Variants in LRGUK observed in about 807,000 individuals in gnomAD.
The protein encoded by LRGUK is leucine rich repeats and guanylate kinase domain containing, also known as leucine-rich repeat and guanylate kinase domain-containing protein.
Under a neutral mutation model 76.0 loss-of-function variants are expected in LRGUK, and 65 were observed. The observed-to-expected ratio is 0.85, with a 90% confidence interval of 0.70 to 1.05. The LOEUF is 1.05. Among genes scored for constraint, LRGUK ranks in the 50% least tolerant of loss-of-function variants. LRGUK has a pLI of 0.00. For missense variants in LRGUK, 758 were observed against 732.8 expected, an observed-to-expected ratio of 1.03 and a Z score of -0.40; for synonymous variants, 268 against 265.6, an observed-to-expected ratio of 1.01 and a Z score of -0.09.
At chr7:134,236,549 G>A (rs1339658661) in intron 16 of LRGUK, among the ~76,000 whole-genome samples, 1 of 152,140 alleles carries the variant, frequency 6.6e-6, no homozygotes, top group African/African-American at 2.4e-5. Context: ...TCCTGCAATT[G>A]GCAGTTGGAT....
At chr7:134,141,065 T>C (rs1394446543) in intron 3 of LRGUK, among the ~76,000 whole-genome samples, 3 of 152,192 alleles carry the variant, frequency 2.0e-5, no homozygotes, top group African/African-American at 7.2e-5. Flanking sequence ...GCCTTGCCAA[T>C]GCTCACTGCT....
chr7:134,257,770 C>T (rs1204059086), intron 18 of LRGUK, among the ~76,000 whole-genome samples: 2 of 151,882 alleles, frequency 1.3e-5, no homozygotes, highest in Non-Finnish European at 2.9e-5. Flanking sequence ...TGTCACTGCC[C>T]TCCAGTCTGG....
At chr7:134,269,869 A>G in the LRGUK span, among the ~76,000 whole-genome samples, 535 of 152,296 alleles carry the variant, frequency 3.5e-3, 4 homozygotes, top group African/African-American at 0.012. Context: ...GAATATATAA[A>G]TTGATGCAGA....
intron 15 of LRGUK, chr7:134,208,677 T>G (rs563714568): frequency 6.5e-5 from 26 of 398,772 alleles, no homozygotes; most frequent in Non-Finnish European, 1.1e-4. Context: ...AACTTCTGTT[T>G]ATAGTTAATT....
At chr7:134,234,056 G>T (rs2117179707) in intron 16 of LRGUK, among the ~76,000 whole-genome samples, 1 of 152,220 alleles carries the variant, frequency 6.6e-6, no homozygotes, top group Middle Eastern at 3.4e-3. Flanking sequence ...TCTTCTTCCA[G>T]TGTGGCCCAG....
At chr7:134,135,898 C>T (rs1483745255) in intron 1 of LRGUK, among the ~76,000 whole-genome samples, 2 of 152,166 alleles carry the variant, frequency 1.3e-5, no homozygotes, top group African/African-American at 2.4e-5. Context: ...CCTTGCGAAC[C>T]GCCCACCTTG....
At chr7:134,181,882 A>G (rs1392350797) in intron 10 of LRGUK, among the ~76,000 whole-genome samples, 3 of 152,004 alleles carry the variant, frequency 2.0e-5, no homozygotes, top group African/African-American at 7.2e-5. Flanking sequence ...CTTTAGTTCT[A>G]TTTACCTCTG....
At chr7:134,213,252 T>C (rs1177012135), downstream of LRGUK, among the ~76,000 whole-genome samples, 2 of 152,112 alleles carry the variant, frequency 1.3e-5, no homozygotes, top group Non-Finnish European at 2.9e-5. Context: ...CTAAGAGGCA[T>C]CTGTCTGGAG....
At chr7:134,191,794 G>A (rs185518680) in intron 12 of LRGUK, 43 bp downstream of exon 12, 18 of 1,255,044 alleles carry the variant, frequency 1.4e-5, no homozygotes, top group Non-Finnish European at 1.9e-5. Flanking sequence ...AGAAATACAC[G>A]TTCTCTGGCA....
intron 16 of LRGUK, among the ~76,000 whole-genome samples, chr7:134,238,705 T>C (rs772926754): frequency 2.0e-5 from 3 of 152,212 alleles, no homozygotes; most frequent in Non-Finnish European, 2.9e-5. Flanking sequence ...TCTGGTTTTA[T>C]ATGAAAGCTT....
intron 1 of LRGUK, among the ~76,000 whole-genome samples, chr7:134,128,122 A>T (rs1797103147): frequency 6.6e-6 from 1 of 152,156 alleles, no homozygotes; most frequent in South Asian, 2.1e-4. Context: ...AAAAAAAAAA[A>T]AAAAAATCCG....
At chr7:134,250,773 T>A (rs1387083912) in intron 18 of LRGUK, among the ~76,000 whole-genome samples, 1 of 152,152 alleles carries the variant, frequency 6.6e-6, no homozygotes, top group Non-Finnish European at 1.5e-5. Context: ...GAATTGTTAG[T>A]ACAGTGAGGT....
At chr7:134,240,430 A>G (rs1027396039) in intron 16 of LRGUK, among the ~76,000 whole-genome samples, 4 of 152,264 alleles carry the variant, frequency 2.6e-5, no homozygotes, top group Non-Finnish European at 5.9e-5. Context: ...AGCCAATTTG[A>G]TCAACTGGAA....
intron 15 of LRGUK, among the ~76,000 whole-genome samples, chr7:134,215,494 C>T (rs889157607): frequency 3.9e-5 from 6 of 152,062 alleles, no homozygotes; most frequent in African/African-American, 1.4e-4. Flanking sequence ...ATGCTGAATT[C>T]TTCTCTGGGA....
chr7:134,168,402 A>G (rs981682629), intron 7 of LRGUK, among the ~76,000 whole-genome samples: 1 of 152,198 alleles, frequency 6.6e-6, no homozygotes, highest in African/African-American at 2.4e-5. Context: ...GACTGAATGC[A>G]GGACCCTCAG....
chr7:134,197,167 A>ATG (rs10611703), intron 13 of LRGUK, 62 bp downstream of exon 13: 7 of 732,098 alleles, frequency 9.6e-6, no homozygotes, highest in Middle Eastern at 3.0e-4. Context: ...GTGTGTGTGT[A>ATG]TGTGTGTGTG....
At chr7:134,252,423 C>T (rs1802474044) in intron 18 of LRGUK, among the ~76,000 whole-genome samples, 1 of 151,988 alleles carries the variant, frequency 6.6e-6, no homozygotes, top group Non-Finnish European at 1.5e-5. Flanking sequence ...AGCTGTCGTC[C>T]AACAAAAAGA....
rs1286737470 is a variant in LRGUK, at chr7:134,221,930, A to G, written c.1983+12A>G. On this transcript the variant is annotated intron_variant, in intron 16 of 19. Transcript: ENST00000285928. ...AAAAAACACCAGCGGTAAGAGAGGA[A>G]TAGAAGGGGTGAAGCCACAACTGAG... 6.3e-7 allele frequency: 1 copy of G among 1,581,240 alleles called. No homozygotes were observed. Among genetic ancestry groups the G allele is most frequent in the Non-Finnish European group, 8.6e-7 (1 of 1,167,952 alleles).
chr7:134,218,347 C>T (rs1011035212), intron 15 of LRGUK, among the ~76,000 whole-genome samples: 2 of 152,118 alleles, frequency 1.3e-5, no homozygotes, highest in African/African-American at 4.8e-5. Context: ...TTTCTAAGTG[C>T]TTTCAAAGAG....
Sources: allele counts gnomAD v4.1 joint callset (sites outside exome capture counted in the v4.1 genomes callset), GRCh38; gene constraint gnomAD v4.1.1; transcripts MANE v1.5; gene names NCBI Gene and HGNC (gene_info 2026-07-23, HGNC 2026-07-21).